UBTD1: variants seen among roughly 807,000 people sequenced by gnomAD.
The protein encoded by UBTD1 is ubiquitin domain-containing protein 1.
In UBTD1, 19 loss-of-function variants were observed where a neutral mutation model predicts 21.7. That is an observed-to-expected ratio of 0.87 (90% CI 0.61 to 1.28). UBTD1 has a LOEUF of 1.28. Among genes scored for constraint, UBTD1 ranks in the 50% most tolerant of loss-of-function variants. The pLI is 0.00. For missense variants in UBTD1, 282 were observed against 315.1 expected (o/e 0.89, Z 0.80); for synonymous variants, 116 against 135.1 (o/e 0.86, Z 0.98).
chr10:97,513,512 A>G lies in UBTD1; in HGVS notation c.70+14239A>G, dbSNP rs558537104. 3.9e-5 allele frequency among the ~76,000 whole-genome samples: 6 copies of G among 152,312 alleles called. No homozygotes were observed. The South Asian group carries it at 1.0e-3, about 26-fold the overall frequency. The stretch of plus-strand genomic sequence containing the variant: ...GGATTGGGATAGGACAGATATTGGA[A>G]GTAAGTGGGCATAGTTTGTAGAAGG... On this transcript the variant is annotated intron_variant, in intron 1 of 2. Transcript: ENST00000370664.
intron 1 of UBTD1, among the ~76,000 whole-genome samples, chr10:97,542,352 C>T (rs866483850): frequency 6.6e-6 from 1 of 152,372 alleles, no homozygotes; most frequent in South Asian, 2.1e-4. Flanking sequence ...GTCACACCAG[C>T]ACTGATGAGT....
chr10:97,539,367 G>C (rs2040577282), intron 1 of UBTD1, among the ~76,000 whole-genome samples: 1 of 152,212 alleles, frequency 6.6e-6, no homozygotes, highest in South Asian at 2.1e-4. Context: ...GCTAAGGCGG[G>C]AGGATCAGTT....
intron 1 of UBTD1, among the ~76,000 whole-genome samples, chr10:97,514,855 GC>G (rs955468649): frequency 6.6e-6 from 1 of 152,102 alleles, no homozygotes; most frequent in Admixed American, 6.5e-5. Flanking sequence ...GGAGAGAATG[GC>G]CCCCCAAAGG....
rs529041583 is a variant in UBTD1 at position 97,529,357 on chromosome 10, G to C, written c.70+30084G>C. On this transcript the variant is annotated intron_variant, in intron 1 of 2. Coordinates refer to ENST00000370664, the MANE Select transcript of UBTD1 (RefSeq NM_024954.5). ...CAGAGACGCTCCTCACTTCCCAGAC[G>C]GGGTAGCGGCTGGGCAGAGGCTGCA... Among the ~76,000 whole-genome samples the C allele has an allele frequency of 4.6e-5, 7 of 152,218 alleles. No individual in the cohort carries two copies. In the South Asian group the frequency reaches 6.2e-4, roughly 14 times the overall value.
At chr10:97,513,507 T>C (rs533804824) in intron 1 of UBTD1, among the ~76,000 whole-genome samples, 2 of 152,202 alleles carry the variant, frequency 1.3e-5, no homozygotes, top group East Asian at 1.9e-4. Flanking sequence ...AGGACAGATA[T>C]TGGAAGTAAG....
At chr10:97,543,774 C>A (rs2040596576) in intron 1 of UBTD1, among the ~76,000 whole-genome samples, 1 of 152,166 alleles carries the variant, frequency 6.6e-6, no homozygotes, top group Non-Finnish European at 1.5e-5. Flanking sequence ...AATTAGGAAC[C>A]ACAACCAGGG....
intron 1 of UBTD1, among the ~76,000 whole-genome samples, chr10:97,529,212 C>T (rs1002733446): frequency 6.7e-6 from 1 of 148,808 alleles, no homozygotes; most frequent in African/African-American, 2.5e-5. Context: ...GGATGGCGGC[C>T]GGGAAGAGGC....
At chr10:97,558,991 A>G (rs1206896662) in intron 1 of UBTD1, among the ~76,000 whole-genome samples, 1 of 152,206 alleles carries the variant, frequency 6.6e-6, no homozygotes, top group African/African-American at 2.4e-5. Flanking sequence ...GGTCCACCAC[A>G]ATACCACCAC....
chr10:97,540,838 G>C lies in UBTD1; in HGVS notation c.71-27076G>C, dbSNP rs140312496. Among the ~76,000 whole-genome samples, 171 of 152,352 alleles carry C rather than the reference G, an allele frequency of 1.1e-3. 1 individual carries two copies. Among genetic ancestry groups the C allele is most frequent in the African/African-American group, 4.0e-3 (165 of 41,584 alleles). ...TGGCATGGAGGCAGACGTGGGCATT[G>C]CCGAGTCAATTTCTGGAGACACCAT... is the stretch of plus-strand genomic sequence containing the variant. On this transcript the variant is annotated intron_variant, in intron 1 of 2. Coordinates refer to ENST00000370664, the MANE Select transcript of UBTD1 (RefSeq NM_024954.5).
intron 1 of UBTD1, among the ~76,000 whole-genome samples, chr10:97,530,500 A>T (rs1035265860): frequency 1.3e-5 from 2 of 152,234 alleles, no homozygotes; most frequent in Non-Finnish European, 1.5e-5. Flanking sequence ...ATAAATATTT[A>T]TTAGATGATT....
At chr10:97,569,572 C>T (rs1176882028) in intron 2 of UBTD1, among the ~76,000 whole-genome samples, 1 of 152,216 alleles carries the variant, frequency 6.6e-6, no homozygotes, top group East Asian at 1.9e-4. Context: ...GTGTATTAGT[C>T]TGCTCAGGCT....
At chr10:97,539,992 G>C (rs1451252696) in intron 1 of UBTD1, among the ~76,000 whole-genome samples, 1 of 152,148 alleles carries the variant, frequency 6.6e-6, no homozygotes. Context: ...CAAAGCCTCT[G>C]ACCATTTCCG....
At chr10:97,523,215 A>C (rs1007071824) in intron 1 of UBTD1, among the ~76,000 whole-genome samples, 1 of 152,134 alleles carries the variant, frequency 6.6e-6, no homozygotes, top group African/African-American at 2.4e-5. Context: ...GGGAAGTGAC[A>C]TCTTACCCCA....
At chr10:97,542,617 G>A (rs559663272) in intron 1 of UBTD1, among the ~76,000 whole-genome samples, 2 of 152,320 alleles carry the variant, frequency 1.3e-5, no homozygotes, top group South Asian at 4.1e-4. Context: ...GAGGGTGAAG[G>A]GGCCTTCCCT....
chr10:97,533,707 T>C (rs2040544720), intron 1 of UBTD1, among the ~76,000 whole-genome samples: 1 of 152,022 alleles, frequency 6.6e-6, no homozygotes, highest in African/African-American at 2.4e-5. Context: ...GCAGATCACT[T>C]GAGGTCAGGA....
At chr10:97,568,799 C>T (rs1381271447) in intron 2 of UBTD1, among the ~76,000 whole-genome samples, 1 of 152,158 alleles carries the variant, frequency 6.6e-6, no homozygotes, top group Non-Finnish European at 1.5e-5. Flanking sequence ...CAGAGGGTGA[C>T]AGTGGAGCCC....
intron 1 of UBTD1, among the ~76,000 whole-genome samples, chr10:97,502,989 T>C (rs947260132): frequency 6.6e-6 from 1 of 151,638 alleles, no homozygotes; most frequent in Non-Finnish European, 1.5e-5. Context: ...CAGTTATAGC[T>C]CCCTGCAGCC....
chr10:97,505,920 A>G (rs1340332662), intron 1 of UBTD1, among the ~76,000 whole-genome samples: 1 of 152,254 alleles, frequency 6.6e-6, no homozygotes, highest in East Asian at 1.9e-4. Flanking sequence ...AAAACTATAA[A>G]AGAAATGTTT....
chr10:97,505,430 T>C (rs887711108), intron 1 of UBTD1, among the ~76,000 whole-genome samples: 1 of 152,238 alleles, frequency 6.6e-6, no homozygotes, highest in Admixed American at 6.5e-5. Flanking sequence ...GCCACTTTCT[T>C]GAGTGGTAAT....
Sources: allele counts gnomAD v4.1 joint callset (sites outside exome capture counted in the v4.1 genomes callset), GRCh38; gene constraint gnomAD v4.1.1; transcripts MANE v1.5; gene names NCBI Gene and HGNC (gene_info 2026-07-23, HGNC 2026-07-21).